Variants in KMT2A observed in about 807,000 individuals in gnomAD.
KMT2A encodes the protein lysine methyltransferase 2A, also known as histone-lysine N-methyltransferase 2A.
A neutral mutation model predicts 345.3 loss-of-function variants in KMT2A; 16 were observed. That is an observed-to-expected ratio of 0.05 (90% CI 0.03 to 0.07). The LOEUF (loss-of-function observed/expected upper bound fraction) is 0.07. Ranked by LOEUF, KMT2A falls within the 10% of genes least tolerant of loss-of-function variation. KMT2A has a pLI of 1.00. For synonymous variants in KMT2A, 1,599 were observed against 1,778.6 expected (o/e 0.90, Z 2.54); for missense variants, 3,272 against 4,841.6 (o/e 0.68, Z 9.62).
At chr11:118,451,952 CATTTACGG>C (rs1408731865) in intron 1 of KMT2A, among the ~76,000 whole-genome samples, 2 of 152,148 alleles carry the variant, frequency 1.3e-5, no homozygotes, top group Non-Finnish European at 2.9e-5. Flanking sequence ...AGCTATTCTT[CATTTACGG>C]ATTTAGTGAT....
intron 1 of KMT2A, chr11:118,447,601 C>G (rs1299321500): frequency 4.5e-6 from 2 of 449,006 alleles, no homozygotes; most frequent in Non-Finnish European, 8.9e-6. Context: ...CATCCCCTTA[C>G]TTGAGTGTTG....
In KMT2A at chr11:118,507,550, G is replaced by A. The variant is rs1555048876; in HGVS notation, c.10776G>A (p.Glu3592=). 1 of 1,614,198 alleles carries A rather than the reference G, an allele frequency of 6.2e-7. No homozygotes were observed. Among genetic ancestry groups the A allele is most frequent in the African/African-American group, 1.3e-5 (1 of 75,048 alleles). The change falls in exon 28 of 36, where the codon GAG becomes GAA. Residue 3592 remains glutamate (E), a synonymous_variant. Coordinates refer to ENST00000534358, the MANE Select transcript of KMT2A (RefSeq NM_001197104.2). ...CCAGGACTCCAGGAGCAGAGGCTGA[G>A]CAGCAGGATACAGCTAGCGTGGAGC... is the stretch of plus-strand genomic sequence containing the variant. ...SGTGTPGAEA[E]QQDTASVEQS...
At chr11:118,483,864 G>T (rs1294282560) in intron 8 of KMT2A, among the ~76,000 whole-genome samples, 2 of 151,968 alleles carry the variant, frequency 1.3e-5, no homozygotes, top group Non-Finnish European at 2.9e-5. Flanking sequence ...ACACACAGTT[G>T]CTATAAAAAA....
intron 4 of KMT2A, among the ~76,000 whole-genome samples, chr11:118,477,432 G>T (rs898803877): frequency 6.9e-6 from 1 of 145,454 alleles, no homozygotes; most frequent in Admixed American, 6.9e-5. Context: ...TTCTATTCTC[G>T]ATTTTAGATT....
chr11:118,484,238 G>A lies in KMT2A; in HGVS notation c.4142G>A (p.Ser1381Asn). The change falls in exon 9 of 36, where the codon AGC becomes AAC. Residue 1381 changes from serine (S) to asparagine (N), a missense_variant. Transcript: ENST00000534358. This position sits in a 1 kb window ranked among gnomAD's most constrained non-coding sequence, Gnocchi z 4.1. ...QENAGTLNIL[S>N]TLSNGNSSKQ... ...AATGCAGGCACTTTGAACATCCTCAGCACTCTCTCCAATGGCAATAGTTCT... is the reference window on the plus strand; with the variant it reads ...AATGCAGGCACTTTGAACATCCTCAACACTCTCTCCAATGGCAATAGTTCT... The A allele has an allele frequency of 6.2e-7, 1 of 1,614,118 alleles. No individual in the cohort carries two copies. The highest frequency in any genetic ancestry group is 1.1e-5 in the South Asian group (1 of 91,086).
intron 6 of KMT2A, 146 bp downstream of exon 6, chr11:118,480,384 TG>T: frequency 2.0e-6 from 1 of 496,870 alleles, no homozygotes; most frequent in Non-Finnish European, 3.5e-6. Flanking sequence ...AATAGGTACA[TG>T]GGGGTTGATT....
At chr11:118,471,537 A>C in intron 2 of KMT2A, 125 bp from the exon 3 acceptor site, 1 of 525,096 alleles carries the variant, frequency 1.9e-6, no homozygotes, top group Non-Finnish European at 3.2e-6. Context: ...AAGATGTTTG[A>C]TTGACTCATT....
intron 4 of KMT2A, 64 bp from the exon 5 acceptor site, chr11:118,477,903 T>C: frequency 9.5e-7 from 1 of 1,057,548 alleles, no homozygotes; most frequent in South Asian, 1.4e-5. Flanking sequence ...ATTTTTGGAG[T>C]ACCAATTAAA....
rs1469470394 is a variant in KMT2A at position 118,495,381 on chromosome 11, C to T, written c.5364-319C>T. 2.0e-5 allele frequency among the ~76,000 whole-genome samples: 3 copies of T among 152,092 alleles called. No individual in the cohort carries two copies. In the East Asian group the frequency reaches 5.8e-4, roughly 29 times the overall value. On this transcript the variant is annotated intron_variant, in intron 18 of 35. Coordinates refer to ENST00000534358, the MANE Select transcript of KMT2A (RefSeq NM_001197104.2). This position sits in a 1 kb window ranked among gnomAD's most constrained non-coding sequence, Gnocchi z 4.1. Reference sequence around the variant, plus strand: ...CCATTTTGGCCAGGATGGTCTTGATCTCTTGACCTGGTGATCCGCCTGCCT... The same window carrying T: ...CCATTTTGGCCAGGATGGTCTTGATTTCTTGACCTGGTGATCCGCCTGCCT...
At chr11:118,464,189 A>G (rs1379298485) in intron 1 of KMT2A, among the ~76,000 whole-genome samples, 5 of 152,232 alleles carry the variant, frequency 3.3e-5, no homozygotes, top group African/African-American at 1.2e-4. Flanking sequence ...AGCACAAATA[A>G]TAGCCAACAC....
chr11:118,487,157 G>C (rs1195711313), intron 10 of KMT2A, among the ~76,000 whole-genome samples: 3 of 151,998 alleles, frequency 2.0e-5, no homozygotes, highest in African/African-American at 4.8e-5. Flanking sequence ...AAGTGCCAGG[G>C]GTCTACTGTA....
In KMT2A at chr11:118,471,966, G is replaced by A. The variant is rs149767877; in HGVS notation, c.807G>A (p.Lys269=). The change falls in exon 3 of 36, where the codon AAG becomes AAA. Residue 269 remains lysine (K), a synonymous_variant. Coordinates refer to ENST00000534358, the MANE Select transcript of KMT2A (RefSeq NM_001197104.2). ...CTGCTACGTTTCAGCAAGCCACAAAGATTAAAAAATTAAGAGCAGGTAAAC... is the reference window on the plus strand; with the variant it reads ...CTGCTACGTTTCAGCAAGCCACAAAAATTAAAAAATTAAGAGCAGGTAAAC... ...TPSATFQQAT[K]IKKLRAGKLS... 4.8e-5 allele frequency: 78 copies of A among 1,613,968 alleles called. No individual in the cohort carries two copies. The highest frequency in any genetic ancestry group is 1.7e-5 in the Admixed American group (1 of 59,996).
Position 118,520,083 on chromosome 11 carries a change from G to A in KMT2A, c.11429+19G>A, listed in dbSNP as rs9332862. 1.8e-3 allele frequency: 2,823 copies of A among 1,538,714 alleles called. 12 individuals are homozygous for A. The highest frequency in any genetic ancestry group is 4.4e-3 in the South Asian group (386 of 88,724). On this transcript the variant is annotated intron_variant, in intron 33 of 35. Coordinates refer to ENST00000534358, the MANE Select transcript of KMT2A (RefSeq NM_001197104.2). This position sits in a 1 kb window ranked among gnomAD's most constrained non-coding sequence, Gnocchi z 4.3. ...CAGCTCGGTAAGTCTTGAGTGGGGA[G>A]CAGTCATTAGAAACTGCTTTCCCTC...
At position 118,520,107 on chromosome 11, in the gene KMT2A, TCTC is replaced by T. The variant is rs1555053041; in HGVS notation, c.11429+48_11429+50del. On this transcript the variant is annotated intron_variant, in intron 33 of 35. Transcript: ENST00000534358. The surrounding 1 kb of genome is among the most constrained non-coding windows in gnomAD (Gnocchi z 4.3). ...AGCAGTCATTAGAAACTGCTTTCCC[TCTC>T]CTCCAGCTGGTCAGGGCACTACGTA... is the stretch of plus-strand genomic sequence containing the variant. The T allele has an allele frequency of 4.6e-6, 6 of 1,307,944 alleles. No individual in the cohort carries two copies. In the Admixed American group the frequency reaches 1.1e-4, roughly 23 times the overall value. The allele number at this position is 1,307,944 out of a possible 1,614,324, so 81.0% of individuals were successfully genotyped here.
chr11:118,514,354 C>T (rs556107767), intron 31 of KMT2A, among the ~76,000 whole-genome samples: 1 of 152,252 alleles, frequency 6.6e-6, no homozygotes, highest in South Asian at 2.1e-4. Flanking sequence ...TGTTCAGTCT[C>T]AGCTTTCCCC....
At chr11:118,506,837 G>A (rs1328454727) in intron 27 of KMT2A, among the ~76,000 whole-genome samples, 191 bp downstream of exon 27, 8 of 152,180 alleles carry the variant, frequency 5.3e-5, no homozygotes, top group Admixed American at 5.2e-4. Context: ...TCCATGGGCA[G>A]TTTGTCTCTT....
rs1555036544 is a variant in KMT2A, at chr11:118,473,567, T to C, written c.2408T>C (p.Leu803Pro). 6.2e-7 allele frequency: 1 copy of C among 1,613,966 alleles called. No individual in the cohort carries two copies. The highest frequency in any genetic ancestry group is 8.5e-7 in the Non-Finnish European group (1 of 1,180,018). ...ACTTTTACTTTTCCTTCTCATTCCC[T>C]GACTCAGTCTGGGGAATCTGCAGAG... is the stretch of plus-strand genomic sequence containing the variant. Reference protein sequence around the residue: ...NPTFTFPSHSLTQSGESAEKN... With the variant: ...NPTFTFPSHSPTQSGESAEKN... Residue 803 changes from leucine to proline, a missense_variant, in exon 3 of 36, where the codon CTG becomes CCG. This residue lies in a region of KMT2A where 209 missense variants were observed against 237.4 expected (regional missense o/e 0.88). Transcript: ENST00000534358. The surrounding 1 kb of genome is among the most constrained non-coding windows in gnomAD (Gnocchi z 5.2).
In KMT2A at chr11:118,520,755, CATT is replaced by C; in HGVS notation, c.11430-43_11430-41del. The C allele has an allele frequency of 7.1e-7, 1 of 1,403,132 alleles. No individual in the cohort carries two copies. Among genetic ancestry groups the C allele is most frequent in the Non-Finnish European group, 1.0e-6 (1 of 987,850 alleles). The allele number at this position is 1,403,132 out of a possible 1,614,324, so 86.9% of individuals were successfully genotyped here. ...GGAACCTTCGATTCAAGACTCAAAA[CATT>C]ATTTCCTGAAAAAAATTCGTTAATA... is the stretch of plus-strand genomic sequence containing the variant. On this transcript the variant is annotated intron_variant, in intron 33 of 35. Coordinates refer to ENST00000534358, the MANE Select transcript of KMT2A (RefSeq NM_001197104.2). The surrounding 1 kb of genome is among the most constrained non-coding windows in gnomAD (Gnocchi z 4.3).
chr11:118,465,375 A>C (rs1443569419), intron 1 of KMT2A, among the ~76,000 whole-genome samples: 1 of 152,242 alleles, frequency 6.6e-6, no homozygotes, highest in Non-Finnish European at 1.5e-5. Flanking sequence ...ATCATGGCTT[A>C]CAAAAGTGTC....
Sources: gnomAD v4.1 joint callset for allele counts (sites outside exome capture counted in the v4.1 genomes callset) on GRCh38, gnomAD v4.1.1 for gene constraint, gnomAD v4.1.1 regional missense constraint, Gnocchi (gnomAD v3.1) non-coding constraint, MANE v1.5 for transcripts, NCBI Gene and HGNC (gene_info 2026-07-23, HGNC 2026-07-21) for gene names.